CAMKMT: variants seen among roughly 807,000 people sequenced by gnomAD.
CAMKMT encodes the protein CaM KMT.
CAMKMT carries 53 observed loss-of-function variants against 48.0 expected under a neutral mutation model. That is an observed-to-expected ratio of 1.10 (90% CI 0.89 to 1.39). CAMKMT has a LOEUF of 1.39. CAMKMT is among the 40% of genes most tolerant of loss of function. The pLI is 0.00. For synonymous variants in CAMKMT, 165 were observed against 152.3 expected (o/e 1.08, Z -0.61); for missense variants, 428 against 402.7 (o/e 1.06, Z -0.54).
At chr2:44,696,239 G>A (rs148600411) in intron 3 of CAMKMT, among the ~76,000 whole-genome samples, 3 of 152,108 alleles carry the variant, frequency 2.0e-5, no homozygotes, top group Admixed American at 2.0e-4. Flanking sequence ...CACTGTGCCC[G>A]GCCAAAAATG....
At chr2:44,399,921 C>T (rs1392414877) in intron 3 of CAMKMT, among the ~76,000 whole-genome samples, 2 of 152,274 alleles carry the variant, frequency 1.3e-5, no homozygotes, top group Non-Finnish European at 2.9e-5. Context: ...CCCAAAAGTG[C>T]TCTGATTTGG....
intron 3 of CAMKMT, among the ~76,000 whole-genome samples, chr2:44,685,664 TG>T (rs896541392): frequency 2.6e-5 from 4 of 152,040 alleles, no homozygotes; most frequent in African/African-American, 4.8e-5. Flanking sequence ...ACACTCTAAA[TG>T]GGGGGAAATA....
At chr2:44,386,529 T>G (rs1369786911) in intron 2 of CAMKMT, among the ~76,000 whole-genome samples, 3 of 152,172 alleles carry the variant, frequency 2.0e-5, no homozygotes, top group African/African-American at 7.2e-5. Context: ...TCTGCTCTGA[T>G]CTTGGTTATT....
At chr2:44,565,652 CAG>C (rs1668570719) in intron 3 of CAMKMT, among the ~76,000 whole-genome samples, 1 of 151,398 alleles carries the variant, frequency 6.6e-6, no homozygotes, top group Non-Finnish European at 1.5e-5. Context: ...GGATCCTACT[CAG>C]AGAATCGGAT....
chr2:44,648,063 A>G lies in CAMKMT; in HGVS notation c.377-56220A>G, dbSNP rs543748682. On this transcript the variant is annotated intron_variant, in intron 3 of 10. Coordinates refer to ENST00000378494, the MANE Select transcript of CAMKMT (RefSeq NM_024766.5). ...AAAGTTAGCACATCTACACTAGGCA[A>G]TTGTTAAAAAGAATGAGGTCAATCT... Among the ~76,000 whole-genome samples, 469 of 152,290 alleles carry G rather than the reference A, an allele frequency of 3.1e-3. 2 individuals are homozygous for G. The highest frequency in any genetic ancestry group is 0.011 in the African/African-American group (441 of 41,566).
intron 3 of CAMKMT, among the ~76,000 whole-genome samples, chr2:44,680,919 A>G (rs1350039473): frequency 6.6e-6 from 1 of 152,240 alleles, no homozygotes; most frequent in Non-Finnish European, 1.5e-5. Context: ...CCTAAGTGGT[A>G]GGAAATGATA....
intron 10 of CAMKMT, among the ~76,000 whole-genome samples, chr2:44,767,191 C>T (rs753215734): frequency 2.6e-5 from 4 of 152,160 alleles, no homozygotes; most frequent in East Asian, 1.9e-4. Context: ...CACTGAGAGG[C>T]GAGTGTTTCA....
rs142141629 is a variant in CAMKMT at position 44,407,559 on chromosome 2, T to A, written c.376+17254T>A. ...GAGATTGTCTTGGCCAAGTTAACCT[T>A]ATGAACCTCTGCAGTAAAATGGAAA... On this transcript the variant is annotated intron_variant, in intron 3 of 10. Transcript: ENST00000378494. 2.5e-3 allele frequency among the ~76,000 whole-genome samples: 384 copies of A among 152,318 alleles called. 1 individual carries two copies. The Middle Eastern group carries it at 0.027, about 11-fold the overall frequency.
chr2:44,751,594 G>T (rs1292039399), intron 8 of CAMKMT, among the ~76,000 whole-genome samples: 2 of 152,168 alleles, frequency 1.3e-5, no homozygotes, highest in Non-Finnish European at 2.9e-5. Flanking sequence ...AGACGTGTGT[G>T]TCTCTGCCAT....
At chr2:44,738,371 CA>C (rs1437012829) in intron 7 of CAMKMT, among the ~76,000 whole-genome samples, 1 of 152,166 alleles carries the variant, frequency 6.6e-6, no homozygotes, top group Admixed American at 6.5e-5. Context: ...TTGTTTTAGA[CA>C]AAAAGCTAAA....
chr2:44,703,494 T>C (rs539200610), intron 3 of CAMKMT, among the ~76,000 whole-genome samples: 109 of 152,260 alleles, frequency 7.2e-4, no homozygotes, highest in African/African-American at 2.6e-3. Context: ...AAAGACATAA[T>C]TGTGGCCAGG....
At chr2:44,467,175 G>C (rs1349315068) in intron 3 of CAMKMT, among the ~76,000 whole-genome samples, 3 of 151,504 alleles carry the variant, frequency 2.0e-5, no homozygotes, top group Non-Finnish European at 4.4e-5. Flanking sequence ...GATTGCTTGA[G>C]CCTGGGAGGT....
chr2:44,559,281 G>A (rs750932345), intron 3 of CAMKMT, among the ~76,000 whole-genome samples: 3 of 152,124 alleles, frequency 2.0e-5, no homozygotes, highest in Admixed American at 6.5e-5. Context: ...GAACTCCTCC[G>A]AGAGCATCTG....
intron 3 of CAMKMT, among the ~76,000 whole-genome samples, chr2:44,521,949 G>C (rs1000714557): frequency 6.6e-6 from 1 of 151,736 alleles, no homozygotes; most frequent in African/African-American, 2.4e-5. Context: ...TGTACAGTTC[G>C]GTAGTATTAT....
intron 3 of CAMKMT, among the ~76,000 whole-genome samples, chr2:44,536,384 G>A (rs1386825626): frequency 1.3e-5 from 2 of 151,598 alleles, no homozygotes; most frequent in African/African-American, 4.9e-5. Context: ...GAGTGCAGTG[G>A]TGTGATCTTG....
At chr2:44,700,773 G>A (rs2104255574) in intron 3 of CAMKMT, among the ~76,000 whole-genome samples, 1 of 152,244 alleles carries the variant, frequency 6.6e-6, no homozygotes, top group South Asian at 2.1e-4. Flanking sequence ...ACCAAAATCT[G>A]TCACAGAGAC....
At chr2:44,565,714 A>C (rs1040484620) in intron 3 of CAMKMT, among the ~76,000 whole-genome samples, 2 of 152,098 alleles carry the variant, frequency 1.3e-5, no homozygotes, top group African/African-American at 2.4e-5. Context: ...AAACAAAAAA[A>C]AAAACAAAAC....
intron 3 of CAMKMT, among the ~76,000 whole-genome samples, chr2:44,417,061 G>A (rs555447934): frequency 2.6e-5 from 4 of 152,112 alleles, no homozygotes; most frequent in African/African-American, 9.6e-5. Flanking sequence ...AGCCTCCTGG[G>A]TTGCTGGGAT....
At chr2:44,621,998 G>A (rs1478779198) in intron 3 of CAMKMT, among the ~76,000 whole-genome samples, 3 of 152,110 alleles carry the variant, frequency 2.0e-5, no homozygotes, top group Non-Finnish European at 4.4e-5. Context: ...TAGATGTGAG[G>A]GATGTTGAAG....
Sources: gnomAD v4.1 joint callset for allele counts (sites outside exome capture counted in the v4.1 genomes callset) on GRCh38, gnomAD v4.1.1 for gene constraint, MANE v1.5 for transcripts, NCBI Gene and HGNC (gene_info 2026-07-23, HGNC 2026-07-21) for gene names.